KNTC1: variants seen among roughly 807,000 people sequenced by gnomAD.
KNTC1 encodes kinetochore associated 1, also known as kinetochore-associated protein 1.
In KNTC1, 253 loss-of-function variants were observed where a neutral mutation model predicts 314.4. That is an observed-to-expected ratio of 0.80 (90% CI 0.73 to 0.89). The LOEUF is 0.89. Ranked by LOEUF, KNTC1 falls within the 40% of genes least tolerant of loss-of-function variation. The probability of loss-of-function intolerance (pLI) is 0.00; values close to 1 mark genes in which losing one functional copy is unlikely to be tolerated. For synonymous variants in KNTC1, 901 were observed against 901.4 expected, an observed-to-expected ratio of 1.00 and a Z score of 0.01; for missense variants, 2,475 against 2,572.9, an observed-to-expected ratio of 0.96 and a Z score of 0.82.
chr12:122,550,333 C>T (rs1963106960), intron 13 of KNTC1, among the ~76,000 whole-genome samples: 1 of 152,086 alleles, frequency 6.6e-6, no homozygotes. Flanking sequence ...TAAGGGCATT[C>T]TTCTACAATG....
intron 2 of KNTC1, among the ~76,000 whole-genome samples, chr12:122,531,279 T>C (rs1390822521): frequency 6.6e-6 from 1 of 152,120 alleles, no homozygotes; most frequent in African/African-American, 2.4e-5. Flanking sequence ...TCGGCTCGGC[T>C]CACTGCAACC....
At chr12:122,565,251 T>A (rs1207443152) in intron 20 of KNTC1, among the ~76,000 whole-genome samples, 4 of 132,910 alleles carry the variant, frequency 3.0e-5, no homozygotes, top group Non-Finnish European at 6.7e-5. Flanking sequence ...TTTTTTTTTT[T>A]TAAAAAAAAA....
Position 122,588,780 on chromosome 12 carries a change from A to G in KNTC1, c.3963A>G (p.Ile1321Met). 1.3e-6 allele frequency: 2 copies of G among 1,566,498 alleles called. 1 individual carries two copies. The highest frequency in any genetic ancestry group is 2.4e-5 in the South Asian group (2 of 83,574). The change falls in exon 40 of 64, where the codon ATA becomes ATG. Residue 1321 changes from isoleucine (I) to methionine (M), a missense_variant. Physicochemically the swap from Ile to Met is conservative, Grantham distance 10 (BLOSUM62 1). Coordinates refer to ENST00000333479, the MANE Select transcript of KNTC1 (RefSeq NM_014708.6). Reference protein sequence around the residue: ...VVMELKEKAVIFIRENATTLL... With the variant: ...VVMELKEKAVMFIRENATTLL... ...TGGAATTGAAAGAAAAAGCTGTTAT[A>G]TTTATCAGGGAAAATGCTACAACAC... is the stretch of plus-strand genomic sequence containing the variant.
intron 2 of KNTC1, among the ~76,000 whole-genome samples, chr12:122,532,128 G>T (rs1961390701): frequency 6.6e-6 from 1 of 151,094 alleles, no homozygotes; most frequent in South Asian, 2.1e-4. Context: ...CCCACTCCTG[G>T]ATTCAAGTGA....
chr12:122,626,301 T>A lies in KNTC1; in HGVS notation c.*73T>A. On this transcript the variant is annotated 3_prime_UTR_variant, in exon 64 of 64. Transcript: ENST00000333479. ...ATTAATGGACCATATTTATTACAGT[T>A]TTTAAATTGTACAATCTCTGTATTA... 1 of 1,012,870 alleles carries A rather than the reference T, an allele frequency of 9.9e-7. No individual in the cohort carries two copies. Among genetic ancestry groups the A allele is most frequent in the Non-Finnish European group, 1.5e-6 (1 of 656,764 alleles). 62.7% of individuals were successfully genotyped at this position (1,012,870 alleles called of 1,614,324 possible).
intron 62 of KNTC1, 56 bp from the exon 63 acceptor site, chr12:122,624,542 G>A (rs573500868): frequency 6.6e-5 from 86 of 1,305,688 alleles, no homozygotes; most frequent in Admixed American, 1.3e-4. Context: ...TGCCGGGATT[G>A]TAGGCACAAG....
At chr12:122,554,570 G>C (rs1272632808) in intron 16 of KNTC1, among the ~76,000 whole-genome samples, 1 of 152,050 alleles carries the variant, frequency 6.6e-6, no homozygotes, top group East Asian at 1.9e-4. Context: ...TAAAGGTGAT[G>C]AGTACATTAT....
At chr12:122,585,867 G>A in intron 37 of KNTC1, 93 bp downstream of exon 37, 2 of 1,188,364 alleles carry the variant, frequency 1.7e-6, no homozygotes, top group South Asian at 2.5e-5. Context: ...ACACAGTAAT[G>A]TGGGCGAACC....
chr12:122,554,196 G>A (rs1217921845), intron 16 of KNTC1, among the ~76,000 whole-genome samples: 1 of 149,494 alleles, frequency 6.7e-6, no homozygotes, highest in Non-Finnish European at 1.5e-5. Flanking sequence ...CTCCCAAGGT[G>A]CTGGGATTAC....
chr12:122,538,428 A>G lies in KNTC1; in HGVS notation c.340A>G (p.Thr114Ala). The G allele has an allele frequency of 6.3e-7, 1 of 1,592,462 alleles. No homozygotes were observed. The highest frequency in any genetic ancestry group is 8.6e-7 in the Non-Finnish European group (1 of 1,167,032). Residue 114 changes from threonine (T) to alanine (A), a missense_variant, in exon 4 of 64, where the codon ACA becomes GCA. Thr to Ala is a moderately conservative substitution (Grantham distance 58). Transcript: ENST00000333479. ...RSGNLHLIHV[T>A]SKQTLLTNAF... ...TGGCAACCTACATCTTATTCATGTA[A>G]CATCAAAACAAACACTACTCACTAA...
intron 41 of KNTC1, 96 bp downstream of exon 41, chr12:122,590,831 T>A: frequency 8.0e-7 from 1 of 1,242,926 alleles, no homozygotes; most frequent in Non-Finnish European, 1.1e-6. Flanking sequence ...AAAGATTTAG[T>A]AGAAGAAATG....
At chr12:122,543,216 G>A (rs529480736) in intron 6 of KNTC1, among the ~76,000 whole-genome samples, 1 of 152,298 alleles carries the variant, frequency 6.6e-6, no homozygotes, top group Non-Finnish European at 1.5e-5. Context: ...CCCGGCCTAA[G>A]TGATATTTTT....
chr12:122,609,493 C>A, intron 52 of KNTC1, 63 bp downstream of exon 52: 1 of 1,081,962 alleles, frequency 9.2e-7, no homozygotes, highest in African/African-American at 1.6e-5. Context: ...CTTACCAGTA[C>A]ATTTTTCAGC....
chr12:122,572,737 A>T (rs1964779667), intron 24 of KNTC1, among the ~76,000 whole-genome samples, 200 bp from the exon 25 acceptor site: 1 of 152,114 alleles, frequency 6.6e-6, no homozygotes, highest in South Asian at 2.1e-4. Context: ...TTTTTAAGAG[A>T]AAATATCTTT....
chr12:122,564,158 A>T (rs1189007584), intron 20 of KNTC1, among the ~76,000 whole-genome samples: 1 of 152,020 alleles, frequency 6.6e-6, no homozygotes, highest in South Asian at 2.1e-4. Flanking sequence ...TTGTATTTTT[A>T]GTAGAGACGG....
At chr12:122,531,909 A>G in intron 2 of KNTC1, among the ~76,000 whole-genome samples, 1 of 150,382 alleles carries the variant, frequency 6.6e-6, no homozygotes, top group East Asian at 2.0e-4. Context: ...AATTTTTTGT[A>G]TTTTTAGTAG....
intron 42 of KNTC1, 80 bp downstream of exon 42, chr12:122,591,533 T>C: frequency 1.2e-6 from 1 of 812,250 alleles, no homozygotes; most frequent in Non-Finnish European, 2.1e-6. Context: ...CTGTTGTTCT[T>C]TACTTTTGGG....
rs753494900 is a variant in KNTC1, at chr12:122,573,037, C to T, written c.2120C>T (p.Ala707Val). 16 of 1,611,664 alleles carry T rather than the reference C, an allele frequency of 9.9e-6. No individual in the cohort carries two copies. The South Asian group carries it at 1.7e-4, about 17-fold the overall frequency. ...TLHRKYNCKL[A>V]LSDFEKENTT... ...CATAGGAAGTACAACTGCAAATTAG[C>T]CCTCTCTGATTTTGAGAAGGTAAAG... Residue 707 changes from alanine to valine, a missense_variant, in exon 25 of 64, where the codon GCC (alanine) becomes GTC (valine). Transcript: ENST00000333479.
chr12:122,583,736 G>C, intron 34 of KNTC1, among the ~76,000 whole-genome samples: 1 of 152,124 alleles, frequency 6.6e-6, no homozygotes, highest in Middle Eastern at 3.2e-3. Context: ...TGAGGCAGGA[G>C]AATCGCTTGA....
Sources: gnomAD v4.1 joint callset for allele counts (sites outside exome capture counted in the v4.1 genomes callset) on GRCh38, gnomAD v4.1.1 for gene constraint, MANE v1.5 for transcripts, NCBI Gene and HGNC (gene_info 2026-07-23, HGNC 2026-07-21) for gene names.